Variants in MGAT4C observed in about 807,000 individuals in gnomAD.
MGAT4C encodes the protein alpha-1,3-mannosyl-glycoprotein 4-beta-N-acetylglucosaminyltransferase C.
A neutral mutation model predicts 40.1 loss-of-function variants in MGAT4C; 19 were observed. The ratio of observed to expected loss-of-function variants is 0.47; its 90% CI spans 0.33 to 0.70. The LOEUF (loss-of-function observed/expected upper bound fraction) is 0.70, where lower values mean the gene tolerates loss of function less well. Ranked by LOEUF, MGAT4C falls within the 30% of genes least tolerant of loss-of-function variation. MGAT4C has a pLI of 0.02. For synonymous variants in MGAT4C, 181 were observed against 187.1 expected, an observed-to-expected ratio of 0.97 and a Z score of 0.27; for missense variants, 491 against 563.2, an observed-to-expected ratio of 0.87 and a Z score of 1.30.
At chr12:86,093,740 C>T (rs1348320807) in intron 1 of MGAT4C, among the ~76,000 whole-genome samples, 2 of 25,196 alleles carry the variant, frequency 7.9e-5, no homozygotes, top group Non-Finnish European at 1.6e-4. Flanking sequence ...AAAACAACAA[C>T]AACAACAACA....
chr12:86,588,315 C>T (rs1003993127), intron 2 of MGAT4C, among the ~76,000 whole-genome samples: 10 of 152,078 alleles, frequency 6.6e-5, no homozygotes, highest in African/African-American at 2.4e-4. Flanking sequence ...AAGGCCATTA[C>T]ATAATGGTAA....
intron 1 of MGAT4C, among the ~76,000 whole-genome samples, chr12:86,750,922 A>G (rs1048979531): frequency 6.6e-5 from 10 of 151,914 alleles, no homozygotes; most frequent in Admixed American, 4.0e-4. Context: ...AACTTTAAGG[A>G]GTATGGCCTG....
intron 3 of MGAT4C, among the ~76,000 whole-genome samples, chr12:86,423,132 G>C (rs544121572): frequency 1.3e-5 from 2 of 152,154 alleles, no homozygotes; most frequent in South Asian, 4.2e-4. Context: ...CTGTTTGCTT[G>C]AATGTAAATT....
chr12:86,436,872 T>C (rs1957147225), intron 2 of MGAT4C, among the ~76,000 whole-genome samples: 1 of 151,770 alleles, frequency 6.6e-6, no homozygotes. Context: ...AAAAGACAAT[T>C]ATATATGATG....
At chr12:86,673,952 C>T (rs1964327281) in intron 2 of MGAT4C, among the ~76,000 whole-genome samples, 1 of 151,900 alleles carries the variant, frequency 6.6e-6, no homozygotes, top group South Asian at 2.1e-4. Flanking sequence ...TCTAATTGAA[C>T]ATTATAAATG....
chr12:86,477,211 T>C (rs1485698192), intron 2 of MGAT4C, among the ~76,000 whole-genome samples: 1 of 152,038 alleles, frequency 6.6e-6, no homozygotes, highest in Non-Finnish European at 1.5e-5. Context: ...ATGTGGTCTA[T>C]ATACAACATG....
At chr12:86,032,261 T>C (rs1334644196) in intron 2 of MGAT4C, among the ~76,000 whole-genome samples, 1 of 152,052 alleles carries the variant, frequency 6.6e-6, no homozygotes, top group African/African-American at 2.4e-5. Flanking sequence ...TTTATTTTCC[T>C]TTGAGTATAT....
At chr12:86,401,380 G>A (rs1235255082) in intron 3 of MGAT4C, among the ~76,000 whole-genome samples, 1 of 151,380 alleles carries the variant, frequency 6.6e-6, no homozygotes, top group African/African-American at 2.4e-5. Context: ...AGAGTAAAAA[G>A]CCATAGAATA....
At chr12:86,774,347 C>CTTTCTTTT (rs1565981724) in intron 1 of MGAT4C, among the ~76,000 whole-genome samples, 2 of 42,310 alleles carry the variant, frequency 4.7e-5, no homozygotes, top group Admixed American at 3.0e-4. Context: ...TTCTGTCTCT[C>CTTTCTTTT]TCTCTCCCCT....
chr12:86,806,971 G>A (rs1952368431), intron 1 of MGAT4C, among the ~76,000 whole-genome samples: 3 of 151,560 alleles, frequency 2.0e-5, no homozygotes, highest in South Asian at 2.1e-4. Context: ...AAACCTGCAC[G>A]TTGTGCACAG....
chr12:86,309,947 G>A (rs2136149069), intron 4 of MGAT4C, among the ~76,000 whole-genome samples: 1 of 151,966 alleles, frequency 6.6e-6, no homozygotes, highest in Admixed American at 6.5e-5. Context: ...AATCTGTATT[G>A]GTAGGAGAAG....
chr12:86,420,309 A>G lies in MGAT4C; in HGVS notation c.-120+14848T>C, dbSNP rs557638338. On this transcript the variant is annotated intron_variant, in intron 3 of 7. Coordinates refer to the MGAT4C transcript ENST00000548651. Reference sequence around the variant, plus strand: ...GAGTGGGAGGATCACTTGAGCCCAGAGGTTAAAACCTGCAGTGAACTATGA... The same window carrying G: ...GAGTGGGAGGATCACTTGAGCCCAGGGGTTAAAACCTGCAGTGAACTATGA... 5.8e-3 allele frequency among the ~76,000 whole-genome samples: 876 copies of G among 152,170 alleles called. 5 individuals carry two copies. The highest frequency in any genetic ancestry group is 0.02 in the African/African-American group (841 of 41,488).
At chr12:86,796,072 C>A (rs144954404) in intron 1 of MGAT4C, among the ~76,000 whole-genome samples, 1 of 151,726 alleles carries the variant, frequency 6.6e-6, no homozygotes, top group African/African-American at 2.4e-5. Flanking sequence ...ATAAAAAATA[C>A]AATAATTCTG....
At chr12:86,774,741 A>T (rs1951723874) in intron 1 of MGAT4C, among the ~76,000 whole-genome samples, 1 of 152,178 alleles carries the variant, frequency 6.6e-6, no homozygotes, top group African/African-American at 2.4e-5. Context: ...GATTTTAAAT[A>T]TTTTAAAAAG....
At chr12:86,305,473 C>T (rs1186537053) in intron 4 of MGAT4C, among the ~76,000 whole-genome samples, 1 of 148,594 alleles carries the variant, frequency 6.7e-6, no homozygotes, top group African/African-American at 2.6e-5. Context: ...GAAAGAAATG[C>T]TGTTATGTTT....
At chr12:86,325,401 C>G (rs12322147) in intron 4 of MGAT4C, among the ~76,000 whole-genome samples, 2,108 of 152,160 alleles carry the variant, frequency 0.014, 60 homozygotes, top group African/African-American at 0.048. Context: ...CAAAACAAAA[C>G]CTTACCCCAA....
At chr12:86,160,809 C>T (rs1055541537) in intron 1 of MGAT4C, among the ~76,000 whole-genome samples, 7 of 151,962 alleles carry the variant, frequency 4.6e-5, no homozygotes, top group African/African-American at 1.7e-4. Flanking sequence ...TGAATTGTAC[C>T]CTTTATCATC....
At chr12:86,440,567 G>T (rs1957208721) in intron 2 of MGAT4C, among the ~76,000 whole-genome samples, 2 of 151,970 alleles carry the variant, frequency 1.3e-5, no homozygotes, top group African/African-American at 4.8e-5. Flanking sequence ...AGAACTGGAA[G>T]AATACAGGGA....
chr12:86,761,475 A>T (rs1355046271), intron 1 of MGAT4C, among the ~76,000 whole-genome samples: 1 of 152,228 alleles, frequency 6.6e-6, no homozygotes, highest in Non-Finnish European at 1.5e-5. Flanking sequence ...GTATGGATGT[A>T]TTAATTTCCT....
Sources: allele counts gnomAD v4.1 joint callset (sites outside exome capture counted in the v4.1 genomes callset), GRCh38; gene constraint gnomAD v4.1.1; transcripts MANE v1.5; gene names NCBI Gene and HGNC (gene_info 2026-07-23, HGNC 2026-07-21).